The following LRP5 variants were observed in gnomAD, a reference collection of about 807,000 sequenced individuals.
LRP5 encodes LDL receptor related protein 5.
A neutral mutation model predicts 154.1 loss-of-function variants in LRP5; 62 were observed. The observed-to-expected ratio is 0.40, with a 90% CI of 0.33 to 0.50. LRP5 has a LOEUF of 0.50. Ranked by LOEUF, LRP5 falls within the 20% of genes least tolerant of loss-of-function variation. LRP5 has a pLI of 0.55. For synonymous variants in LRP5, 966 were observed against 1,011.5 expected (o/e 0.96, Z 0.85); for missense variants, 1,915 against 2,336.7 (o/e 0.82, Z 3.72).
At chr11:68,446,330 G>T in intron 21 of LRP5, 106 bp from the exon 22 acceptor site, 1 of 833,934 alleles carries the variant, frequency 1.2e-6, no homozygotes, top group South Asian at 1.4e-5. Flanking sequence ...TGGGAAGCAG[G>T]GGGGCCAGAA....
At chr11:68,431,231 C>CTTTTT (rs34840282) in intron 17 of LRP5, among the ~76,000 whole-genome samples, 151 of 92,918 alleles carry the variant, frequency 1.6e-3, no homozygotes, top group East Asian at 2.5e-3. Context: ...GCTGTGCACC[C>CTTTTT]TTTTTTTTTT....
intron 21 of LRP5, among the ~76,000 whole-genome samples, chr11:68,443,574 TATATA>T (rs1565122220): frequency 8.2e-4 from 34 of 41,376 alleles, no homozygotes; most frequent in African/African-American, 1.6e-3. Flanking sequence ...TATATATATA[TATATA>T]TATATATTTT....
At chr11:68,305,617 A>AT in the LRP5 span, among the ~76,000 whole-genome samples, 4 of 151,694 alleles carry the variant, frequency 2.6e-5, no homozygotes, top group Admixed American at 2.6e-4. Flanking sequence ...TAATTTTCAT[A>AT]TTTTCAGTAG....
chr11:68,320,505 G>T (rs1272772027), intron 1 of LRP5, among the ~76,000 whole-genome samples: 2 of 149,740 alleles, frequency 1.3e-5, no homozygotes, highest in Non-Finnish European at 3.0e-5. Context: ...CTCCAGGCTG[G>T]AGTGCAGTGG....
chr11:68,372,596 TTTG>T, intron 5 of LRP5, among the ~76,000 whole-genome samples: 1 of 152,268 alleles, frequency 6.6e-6, no homozygotes, highest in Non-Finnish European at 1.5e-5. Flanking sequence ...TGTGCTTCAG[TTTG>T]TCCGTTGGTA....
chr11:68,341,628 A>G (rs1385160492), intron 1 of LRP5, among the ~76,000 whole-genome samples: 2 of 152,094 alleles, frequency 1.3e-5, no homozygotes, highest in Non-Finnish European at 2.9e-5. Context: ...GAAGGCGCCC[A>G]GAGGACCAGC....
intron 13 of LRP5, among the ~76,000 whole-genome samples, chr11:68,421,713 T>TGTGTG (rs2098665758): frequency 7.0e-6 from 1 of 143,050 alleles, no homozygotes; most frequent in African/African-American, 2.5e-5. Context: ...TGTGTGTGTG[T>TGTGTG]GTGTGTGTGT....
In LRP5 at chr11:68,385,388, T is replaced by C. The variant is rs530701675; in HGVS notation, c.1016-928T>C. On this transcript the variant is annotated intron_variant, in intron 5 of 22. Transcript: ENST00000294304. ...TTCGTGGCGTGGTTCTGAAACTTCG[T>C]TGGAAGTGTGTGGACAGTGCCTTGC... Among the ~76,000 whole-genome samples, 9 of 152,008 alleles carry C rather than the reference T, an allele frequency of 5.9e-5. No individual in the cohort carries two copies. The East Asian group carries it at 1.7e-3, about 29-fold the overall frequency.
intron 7 of LRP5, among the ~76,000 whole-genome samples, chr11:68,402,816 T>A (rs144481474): frequency 6.6e-6 from 1 of 152,164 alleles, no homozygotes; most frequent in African/African-American, 2.4e-5. Flanking sequence ...CCTGCAGTGG[T>A]TCGGGAGAGG....
chr11:68,427,012 T>A (rs759113001), intron 16 of LRP5, among the ~76,000 whole-genome samples: 1 of 152,146 alleles, frequency 6.6e-6, no homozygotes, highest in Non-Finnish European at 1.5e-5. Flanking sequence ...GGGGGCTCCC[T>A]GCGTCAGTCC....
At chr11:68,443,579 ATATATATTTTT>A (rs1369744252) in intron 21 of LRP5, among the ~76,000 whole-genome samples, 4 of 39,940 alleles carry the variant, frequency 1.0e-4, no homozygotes, top group Non-Finnish European at 1.9e-4. Context: ...ATATATATAT[ATATATATTTTT>A]TTTTTTTTTG....
intron 8 of LRP5, 137 bp from the exon 9 acceptor site, chr11:68,406,387 C>T (rs1333337374): frequency 1.7e-5 from 16 of 927,238 alleles, no homozygotes; most frequent in Admixed American, 1.4e-4. Flanking sequence ...GAGGTCGGAC[C>T]TGACCCGGGG....
chr11:68,380,086 T>G (rs1026805750), intron 5 of LRP5, among the ~76,000 whole-genome samples: 2 of 152,182 alleles, frequency 1.3e-5, no homozygotes, highest in African/African-American at 4.8e-5. Context: ...TGAGTCGAGA[T>G]CGCGCCACTG....
intron 12 of LRP5, among the ~76,000 whole-genome samples, chr11:68,415,411 A>G (rs941154405): frequency 4.6e-5 from 7 of 152,196 alleles, no homozygotes; most frequent in Non-Finnish European, 1.5e-5. Flanking sequence ...AGTGTTCACT[A>G]CCATTACCTG....
chr11:68,433,755 C>T lies in LRP5; in HGVS notation c.3917C>T (p.Ala1306Val), dbSNP rs772148405. 1.2e-5 allele frequency: 20 copies of T among 1,612,644 alleles called. No homozygotes were observed. The highest frequency in any genetic ancestry group is 1.6e-4 in the Middle Eastern group (1 of 6,082). Residue 1306 changes from alanine to valine, a missense_variant, in exon 18 of 23, where the codon GCG becomes GTG. Physicochemically the swap from Ala to Val is moderately conservative, Grantham distance 64 (BLOSUM62 0). Coordinates refer to ENST00000294304, the MANE Select transcript of LRP5 (RefSeq NM_002335.4). ...PVCSAAQFPC[A>V]RGQCVDLRLR... ...TGCTCCGCCGCCCAGTTCCCCTGCG[C>T]GCGGGGTCAGTGTGTGGACCTGCGC...
intron 5 of LRP5, among the ~76,000 whole-genome samples, chr11:68,381,226 C>G (rs1375179756): frequency 6.6e-6 from 1 of 152,150 alleles, no homozygotes; most frequent in Admixed American, 6.5e-5. Flanking sequence ...GGAGTCTGTC[C>G]CTGCAGACGT....
chr11:68,380,421 C>T (rs920824059), intron 5 of LRP5, among the ~76,000 whole-genome samples: 7 of 152,314 alleles, frequency 4.6e-5, no homozygotes, highest in South Asian at 2.1e-4. Context: ...CCGTGCAGGC[C>T]GCAGCACCGA....
chr11:68,415,017 G>A (rs533535333), intron 12 of LRP5, among the ~76,000 whole-genome samples: 52 of 152,346 alleles, frequency 3.4e-4, no homozygotes, highest in African/African-American at 1.1e-3. Flanking sequence ...TCCTGTGGCC[G>A]GCAGTACCTG....
rs1193170501 is a variant in LRP5 at position 68,376,301 on chromosome 11, C to G, written c.1016-10015C>G. Among the ~76,000 whole-genome samples the G allele has an allele frequency of 2.6e-5, 4 of 151,964 alleles. No homozygotes were observed. In the East Asian group the frequency reaches 7.7e-4, roughly 29 times the overall value. ...AGCTCAAGCGATTATCCTGCCTCAG[C>G]CTCCCGAGTAGCTTGGACTATAGGC... On this transcript the variant is annotated intron_variant, in intron 5 of 22. Coordinates refer to ENST00000294304, the MANE Select transcript of LRP5 (RefSeq NM_002335.4).
Sources: gnomAD v4.1 joint callset for allele counts (sites outside exome capture counted in the v4.1 genomes callset) on GRCh38, gnomAD v4.1.1 for gene constraint, MANE v1.5 for transcripts, NCBI Gene and HGNC (gene_info 2026-07-23, HGNC 2026-07-21) for gene names.